Variants in ACAA2 observed in about 807,000 individuals in gnomAD.
The protein encoded by ACAA2 is acetyl-CoA acyltransferase 2.
In ACAA2, 35 loss-of-function variants were observed where a neutral mutation model predicts 44.8. The ratio of observed to expected loss-of-function variants is 0.78; its 90% CI spans 0.60 to 1.04. The LOEUF (loss-of-function observed/expected upper bound fraction) is 1.04. Among genes scored for constraint, ACAA2 ranks in the 50% least tolerant of loss-of-function variants. The pLI, the probability that ACAA2 is intolerant of heterozygous loss-of-function variation, is 0.00. For missense variants in ACAA2, 468 were observed against 482.6 expected, an observed-to-expected ratio of 0.97 and a Z score of 0.28; for synonymous variants, 142 against 166.5, an observed-to-expected ratio of 0.85 and a Z score of 1.13.
chr18:49,804,747 C>A (rs994252103), intron 1 of ACAA2, among the ~76,000 whole-genome samples: 1 of 152,108 alleles, frequency 6.6e-6, no homozygotes, highest in Non-Finnish European at 1.5e-5. Flanking sequence ...TTAGTTAAAT[C>A]GGTGTCCTTG....
At chr18:49,806,147 A>AGTCTTCAAGT (rs2023608209) in intron 1 of ACAA2, among the ~76,000 whole-genome samples, 4 of 152,222 alleles carry the variant, frequency 2.6e-5, no homozygotes, top group Non-Finnish European at 4.4e-5. Flanking sequence ...CAATTTATTT[A>AGTCTTCAAGT]TAGCAACTAA....
At chr18:49,796,478 G>A (rs564584100) in intron 3 of ACAA2, among the ~76,000 whole-genome samples, 5 of 152,264 alleles carry the variant, frequency 3.3e-5, no homozygotes, top group African/African-American at 1.2e-4. Context: ...ACAAATTAAT[G>A]TGAAAATTGT....
intron 9 of ACAA2, among the ~76,000 whole-genome samples, chr18:49,784,835 C>G (rs565265923): frequency 2.0e-5 from 3 of 151,564 alleles, no homozygotes; most frequent in African/African-American, 2.4e-5. Flanking sequence ...TCACTCAGTA[C>G]TTTTTTTTTC....
intron 1 of ACAA2, among the ~76,000 whole-genome samples, chr18:49,807,902 G>C (rs188887182): frequency 4.1e-4 from 62 of 151,606 alleles, no homozygotes; most frequent in Admixed American, 9.8e-4. Flanking sequence ...CGACAGACTA[G>C]GAGAAAATAT....
At chr18:49,800,425 G>A (rs2023532273) in intron 2 of ACAA2, among the ~76,000 whole-genome samples, 1 of 152,344 alleles carries the variant, frequency 6.6e-6, no homozygotes, top group South Asian at 2.1e-4. Context: ...AACGGGCCAT[G>A]ATGACCGTGG....
In ACAA2 at chr18:49,794,352, C is replaced by G. The variant is rs1445399624; in HGVS notation, c.505G>C (p.Ala169Pro). The change falls in exon 5 of 10, where the codon GCT (alanine) becomes CCT (proline). Residue 169 changes from alanine to proline, a missense_variant. Physicochemically the swap from Ala to Pro is conservative, Grantham distance 27 (BLOSUM62 -1). Transcript: ENST00000285093. ...TCTCTGCTTATTTTGTGTTTTACAG[C>G]AAGATTCTCTGCAGTCATTGCCATG... is the stretch of plus-strand genomic sequence containing the variant. ...LPMAMTAENL[A>P]VKHKISREEC... 5 of 1,611,102 alleles carry G rather than the reference C, an allele frequency of 3.1e-6. No individual in the cohort carries two copies. The highest frequency in any genetic ancestry group is 4.2e-6 in the Non-Finnish European group (5 of 1,179,506).
intron 1 of ACAA2, among the ~76,000 whole-genome samples, chr18:49,809,992 C>T (rs577283793): frequency 6.6e-6 from 1 of 152,304 alleles, no homozygotes; most frequent in Admixed American, 6.5e-5. Context: ...ATACTCCGTA[C>T]TTTCTGCTCA....
Position 49,797,451 on chromosome 18 carries a change from A to C in ACAA2, c.312+15T>G, listed in dbSNP as rs2143962785. On this transcript the variant is annotated intron_variant, in intron 3 of 9. Transcript: ENST00000285093. ...TAACATATTTTCAGAGAATTTAAAA[A>C]AATGTTGTCCATACCTGACATCCAT... 1 of 1,592,610 alleles carries C rather than the reference A, an allele frequency of 6.3e-7. No homozygotes were observed. Among genetic ancestry groups the C allele is most frequent in the Admixed American group, 1.8e-5 (1 of 54,202 alleles).
chr18:49,802,526 T>C (rs1165193132), intron 2 of ACAA2, among the ~76,000 whole-genome samples, 161 bp downstream of exon 2: 1 of 139,080 alleles, frequency 7.2e-6, no homozygotes. Context: ...CGCACCACCA[T>C]ACTCCAGCCT....
chr18:49,800,816 G>C (rs890508646), intron 2 of ACAA2, among the ~76,000 whole-genome samples: 1 of 145,362 alleles, frequency 6.9e-6, no homozygotes, highest in Non-Finnish European at 1.5e-5. Flanking sequence ...TCACTTGTTT[G>C]TCTGCTGACC....
intron 2 of ACAA2, among the ~76,000 whole-genome samples, chr18:49,800,026 C>CCTGTCTGGGAAGTGAGGAGCGTCT: frequency 6.6e-6 from 1 of 151,666 alleles, no homozygotes; most frequent in East Asian, 2.0e-4. Context: ...TGGCAGCCAC[C>CCTGTCTGGGAAGTGAGGAGCGTCT]CTGTCTGGGA....
chr18:49,795,175 A>G (rs772191033), intron 4 of ACAA2, among the ~76,000 whole-genome samples: 1 of 152,212 alleles, frequency 6.6e-6, no homozygotes, highest in Non-Finnish European at 1.5e-5. Flanking sequence ...AATGCTAAAA[A>G]ATATAAAATG....
intron 1 of ACAA2, among the ~76,000 whole-genome samples, chr18:49,805,364 T>A (rs1003481297): frequency 6.6e-6 from 1 of 152,218 alleles, no homozygotes; most frequent in Non-Finnish European, 1.5e-5. Context: ...GCAATATATA[T>A]AACTATAATT....
chr18:49,791,326 T>A, intron 7 of ACAA2, 144 bp downstream of exon 7: 1 of 701,442 alleles, frequency 1.4e-6, no homozygotes, highest in Non-Finnish European at 2.3e-6. Flanking sequence ...CAGTTCTTCA[T>A]AAAGATTTTT....
rs1450121187 is a variant in ACAA2, at chr18:49,788,522, A to G, written c.884-1161T>C. Among the ~76,000 whole-genome samples the G allele has an allele frequency of 4.5e-5, 6 of 133,190 alleles. No individual in the cohort carries two copies. In the Admixed American group the frequency reaches 6.3e-4, roughly 14 times the overall value. The allele number at this position is 133,190 out of a possible 152,430, so 87.4% of individuals were successfully genotyped here. A position where few individuals can be genotyped will look rare whatever the true frequency, so the allele number is the denominator to read the frequency against. ...TTTCATGTGGCTACTGATTTACTAC[A>G]GCTACTGATTTACTACAGGATCTGA... is the stretch of plus-strand genomic sequence containing the variant. On this transcript the variant is annotated intron_variant, in intron 7 of 9. Coordinates refer to ENST00000285093, the MANE Select transcript of ACAA2 (RefSeq NM_006111.3).
intron 1 of ACAA2, among the ~76,000 whole-genome samples, chr18:49,804,890 A>C (rs551823025): frequency 6.6e-6 from 1 of 152,338 alleles, no homozygotes; most frequent in East Asian, 1.9e-4. Flanking sequence ...ACAGTGCAAA[A>C]CCGGCATATC....
intron 5 of ACAA2, among the ~76,000 whole-genome samples, 162 bp from the exon 6 acceptor site, chr18:49,792,489 G>T (rs1179640091): frequency 6.6e-6 from 1 of 152,114 alleles, no homozygotes; most frequent in East Asian, 1.9e-4. Flanking sequence ...TTGTCGCCTG[G>T]GCTGGAGTGC....
chr18:49,800,257 C>T (rs1289147040), intron 2 of ACAA2, among the ~76,000 whole-genome samples: 20 of 146,074 alleles, frequency 1.4e-4, no homozygotes, highest in African/African-American at 3.4e-4. Flanking sequence ...CCGCCCCGTC[C>T]GGGAGGGAGG....
chr18:49,794,326 T>G lies in ACAA2; in HGVS notation c.531A>C (p.Glu177Asp). The G allele has an allele frequency of 3.7e-6, 6 of 1,610,614 alleles. No individual in the cohort carries two copies. The highest frequency in any genetic ancestry group is 5.1e-6 in the Non-Finnish European group (6 of 1,179,492). Reference sequence around the variant, plus strand: ...ACTGCAGGGCATATTTGTCACATTCTTCTCTGCTTATTTTGTGTTTTACAG... The same window carrying G: ...ACTGCAGGGCATATTTGTCACATTCGTCTCTGCTTATTTTGTGTTTTACAG... ...NLAVKHKISR[E>D]ECDKYALQSQ... Residue 177 changes from glutamate to aspartate, a missense_variant, in exon 5 of 10, where the codon GAA becomes GAC. Coordinates refer to ENST00000285093, the MANE Select transcript of ACAA2 (RefSeq NM_006111.3).
Sources: gnomAD v4.1 joint callset for allele counts (sites outside exome capture counted in the v4.1 genomes callset) on GRCh38, gnomAD v4.1.1 for gene constraint, MANE v1.5 for transcripts, NCBI Gene and HGNC (gene_info 2026-07-23, HGNC 2026-07-21) for gene names.